The following CATSPERG variants were observed in gnomAD, a reference collection of about 807,000 sequenced individuals.
CATSPERG encodes the protein cation channel sperm-associated auxiliary subunit gamma.
In CATSPERG, 115 loss-of-function variants were observed where a neutral mutation model predicts 145.0. The observed-to-expected ratio is 0.79, with a 90% CI of 0.68 to 0.93. The LOEUF is 0.93. Ranked by LOEUF, CATSPERG falls within the 40% of genes least tolerant of loss-of-function variation. The pLI is 0.00. For synonymous variants in CATSPERG, 588 were observed against 589.0 expected, an observed-to-expected ratio of 1.00 and a Z score of 0.02; for missense variants, 1,296 against 1,490.1, an observed-to-expected ratio of 0.87 and a Z score of 2.14.
At chr19:38,336,230 G>T (rs1243947992) in intron 1 of CATSPERG, 1 of 456,494 alleles carries the variant, frequency 2.2e-6, no homozygotes, top group African/African-American at 2.0e-5. Context: ...TAAGAAGCTG[G>T]TGCCGGCGTG....
chr19:38,348,748 C>T (rs534175916), intron 7 of CATSPERG, among the ~76,000 whole-genome samples: 2 of 152,202 alleles, frequency 1.3e-5, no homozygotes, highest in South Asian at 4.1e-4. Flanking sequence ...GCTGGTATTA[C>T]AGGTGTGAGC....
intron 5 of CATSPERG, 74 bp from the exon 6 acceptor site, chr19:38,344,217 GGGAGA>G (rs1345276820): frequency 6.5e-7 from 1 of 1,540,240 alleles, no homozygotes; most frequent in East Asian, 2.4e-5. Flanking sequence ...GGAGAGAATG[GGGAGA>G]GGAGAGGCAG....
At chr19:38,346,319 T>G in intron 6 of CATSPERG, 131 bp from the exon 7 acceptor site, 62 of 756,198 alleles carry the variant, frequency 8.2e-5, no homozygotes, top group Non-Finnish European at 1.1e-4. Flanking sequence ...TGGTAAGGAA[T>G]GAGGTCAAGG....
Position 38,362,203 on chromosome 19 carries a change from C to T in CATSPERG, c.2095-7C>T, listed in dbSNP as rs1217825558. ...AATCCCTTCACGGTGCCGGGCGATC[C>T]CTGCAGCCGTACGCGGACCCGGTGC... On this transcript the variant is annotated splice_polypyrimidine_tract_variant and splice_region_variant and intron_variant, in intron 17 of 28. Transcript: ENST00000409235. 5 of 1,585,814 alleles carry T rather than the reference C, an allele frequency of 3.2e-6. No individual in the cohort carries two copies. Among genetic ancestry groups the T allele is most frequent in the South Asian group, 2.3e-5 (2 of 88,784 alleles).
intron 14 of CATSPERG, chr19:38,360,005 A>G: frequency 9.7e-7 from 1 of 1,033,990 alleles, no homozygotes; most frequent in Non-Finnish European, 1.2e-6. Flanking sequence ...ATGGAGGGGG[A>G]CATCTTGGAG....
intron 11 of CATSPERG, 46 bp downstream of exon 11, chr19:38,356,907 C>A (rs1970253911): frequency 1.9e-6 from 3 of 1,607,086 alleles, no homozygotes; most frequent in Non-Finnish European, 2.6e-6. Flanking sequence ...GGCAGGATCC[C>A]AGACTGTGGA....
chr19:38,362,173 T>G, intron 17 of CATSPERG, 37 bp from the exon 18 acceptor site: 1 of 1,557,970 alleles, frequency 6.4e-7, no homozygotes, highest in Non-Finnish European at 8.7e-7. Flanking sequence ...CTCGCCCCGC[T>G]GCCCAATCCC....
At chr19:38,363,392 G>A (rs1236587818) in intron 20 of CATSPERG, among the ~76,000 whole-genome samples, 1 of 151,878 alleles carries the variant, frequency 6.6e-6, no homozygotes, top group East Asian at 1.9e-4. Context: ...GCCCAGGCTG[G>A]CCTCGAATTC....
At chr19:38,341,600 CA>C (rs554254807) in intron 3 of CATSPERG, among the ~76,000 whole-genome samples, 1 of 151,722 alleles carries the variant, frequency 6.6e-6, no homozygotes, top group African/African-American at 2.4e-5. Context: ...CCTGTCTCTA[CA>C]AAAAAAATCA....
intron 22 of CATSPERG, chr19:38,365,418 C>T: frequency 3.2e-6 from 1 of 309,480 alleles, no homozygotes. Flanking sequence ...TTATAGGCGC[C>T]CGCCACCACG....
chr19:38,364,390 C>T (rs1469939205), intron 20 of CATSPERG, among the ~76,000 whole-genome samples: 3 of 152,142 alleles, frequency 2.0e-5, no homozygotes, highest in Non-Finnish European at 4.4e-5. Flanking sequence ...GCACTCCCCA[C>T]ATCTCAGACG....
At chr19:38,358,357 G>C (rs754772093) in intron 12 of CATSPERG, 29 bp downstream of exon 12, 13 of 1,613,944 alleles carry the variant, frequency 8.1e-6, no homozygotes, top group Non-Finnish European at 1.1e-5. Flanking sequence ...CGTGGCCTCA[G>C]GGTGGCTGTG....
chr19:38,365,697 CGTTTTTTTTTTGTTTTTT>C (rs1970435984), intron 22 of CATSPERG: 1 of 137,072 alleles, frequency 7.3e-6, no homozygotes, highest in African/African-American at 2.6e-5. Context: ...GCAACAGGGC[CGTTTTTTTTTTGTTTTTT>C]GTTTTTTTTT....
At chr19:38,363,709 A>T (rs1022185217) in intron 20 of CATSPERG, among the ~76,000 whole-genome samples, 2 of 152,070 alleles carry the variant, frequency 1.3e-5, no homozygotes, top group Non-Finnish European at 2.9e-5. Flanking sequence ...AACAAAGCAC[A>T]TCTTGCACCG....
Position 38,358,160 on chromosome 19 carries a change from G to A in CATSPERG, c.1316-118G>A, listed in dbSNP as rs1298769726. The A allele has an allele frequency of 1.5e-5, 14 of 938,200 alleles. No individual in the cohort carries two copies. The Admixed American group carries it at 2.0e-4, about 14-fold the overall frequency. The allele number at this position is 938,200 out of a possible 1,614,324, so 58.1% of individuals were successfully genotyped here. A position where few individuals can be genotyped will look rare whatever the true frequency, so the allele number is the denominator to read the frequency against. ...AGAAACTCTAAGGACTAGCAAACCC[G>A]AGTGGGAAGCTCTTTGGAGGGTTTT... On this transcript the variant is annotated intron_variant, in intron 11 of 28. Transcript: ENST00000409235.
chr19:38,360,435 G>T, intron 14 of CATSPERG, 54 bp from the exon 15 acceptor site: 1 of 1,605,128 alleles, frequency 6.2e-7, no homozygotes, highest in Non-Finnish European at 8.5e-7. Flanking sequence ...GGTGAGGTGG[G>T]ATCAGAGGAC....
intron 7 of CATSPERG, chr19:38,349,642 GT>G (rs113282965): frequency 1.4e-4 from 21 of 152,012 alleles, no homozygotes; most frequent in South Asian, 2.1e-4. Context: ...GTTGCTCATT[GT>G]TTTTTTTTGT....
At chr19:38,369,860 T>C (rs1216850247) in intron 26 of CATSPERG, 112 bp from the exon 27 acceptor site, 3 of 898,846 alleles carry the variant, frequency 3.3e-6, no homozygotes, top group South Asian at 1.4e-5. Context: ...AGGGAAGGCA[T>C]GAGATTGCAC....
chr19:38,356,613 GT>G (rs1970247949), intron 10 of CATSPERG, 70 bp downstream of exon 10: 2 of 1,594,174 alleles, frequency 1.3e-6, no homozygotes, highest in East Asian at 4.5e-5. Flanking sequence ...GCAGGGGAGG[GT>G]GGCAGGGGTC....
Sources: allele counts gnomAD v4.1 joint callset (sites outside exome capture counted in the v4.1 genomes callset), GRCh38; gene constraint gnomAD v4.1.1; transcripts MANE v1.5; gene names NCBI Gene and HGNC (gene_info 2026-07-23, HGNC 2026-07-21).